MBD5: variants seen among roughly 807,000 people sequenced by gnomAD.
The protein encoded by MBD5 is methyl-CpG-binding domain protein 5.
In MBD5, 13 loss-of-function variants were observed where a neutral mutation model predicts 117.3. That is an observed-to-expected ratio of 0.11 (90% CI 0.07 to 0.18). MBD5 has a LOEUF of 0.18. Ranked by LOEUF, MBD5 falls within the 10% of genes least tolerant of loss-of-function variation. The pLI is 1.00. For synonymous variants in MBD5, 727 were observed against 766.4 expected (o/e 0.95, Z 0.85); for missense variants, 1,879 against 2,093.8 (o/e 0.90, Z 2.00).
At chr2:148,196,929 G>A (rs1042622083) in intron 2 of MBD5, among the ~76,000 whole-genome samples, 2 of 152,042 alleles carry the variant, frequency 1.3e-5, no homozygotes, top group Non-Finnish European at 2.9e-5. Flanking sequence ...ATCCACATGT[G>A]CCAAAATTGG....
intron 1 of MBD5, among the ~76,000 whole-genome samples, chr2:148,058,684 A>G (rs1694942135): frequency 6.6e-6 from 1 of 152,080 alleles, no homozygotes; most frequent in African/African-American, 2.4e-5. Context: ...TTTTTCCATT[A>G]TTGCTAACTA....
intron 1 of MBD5, among the ~76,000 whole-genome samples, chr2:148,153,024 C>A (rs1021513018): frequency 2.6e-5 from 4 of 151,850 alleles, no homozygotes; most frequent in Admixed American, 2.6e-4. Flanking sequence ...GATGCAGTTT[C>A]TTCCTAGTCT....
intron 4 of MBD5, among the ~76,000 whole-genome samples, chr2:148,439,445 G>C (rs1448385815): frequency 1.3e-5 from 2 of 152,042 alleles, no homozygotes; most frequent in African/African-American, 2.4e-5. Flanking sequence ...TTTAAGTTTT[G>C]GGTGGTTCTG....
intron 2 of MBD5, among the ~76,000 whole-genome samples, chr2:148,199,897 GA>G (rs1699094970): frequency 6.6e-6 from 1 of 152,110 alleles, no homozygotes; most frequent in Non-Finnish European, 1.5e-5. Flanking sequence ...GTATGACTAA[GA>G]AATAAAGTGA....
chr2:148,419,444 A>G (rs563607980), intron 4 of MBD5, among the ~76,000 whole-genome samples: 3 of 152,270 alleles, frequency 2.0e-5, no homozygotes, highest in African/African-American at 7.2e-5. Flanking sequence ...AGTCATCTGG[A>G]ATGCATTTCT....
At chr2:148,145,929 G>T (rs996505593) in intron 1 of MBD5, among the ~76,000 whole-genome samples, 1 of 152,146 alleles carries the variant, frequency 6.6e-6, no homozygotes, top group Non-Finnish European at 1.5e-5. Flanking sequence ...CTGTGTCTCT[G>T]CCAGGCTTTG....
At chr2:148,460,777 T>C (rs1707044325) in intron 5 of MBD5, among the ~76,000 whole-genome samples, 1 of 152,210 alleles carries the variant, frequency 6.6e-6, no homozygotes, top group South Asian at 2.1e-4. Context: ...TGGAGTACTT[T>C]AATAGAATTA....
chr2:148,034,542 A>G (rs1694133875), intron 1 of MBD5, among the ~76,000 whole-genome samples: 1 of 152,204 alleles, frequency 6.6e-6, no homozygotes, highest in African/African-American at 2.4e-5. Context: ...CTGAACTTCT[A>G]ATAATGGTCA....
At chr2:148,283,861 C>T (rs749425834) in intron 3 of MBD5, among the ~76,000 whole-genome samples, 1 of 152,196 alleles carries the variant, frequency 6.6e-6, no homozygotes, top group Non-Finnish European at 1.5e-5. Context: ...TCTTTCTTAA[C>T]TATCTTCCTA....
At chr2:148,430,239 T>C (rs1438924108) in intron 4 of MBD5, among the ~76,000 whole-genome samples, 2 of 152,128 alleles carry the variant, frequency 1.3e-5, no homozygotes, top group Non-Finnish European at 2.9e-5. Context: ...TCTTCATTTA[T>C]TGCATTTTCT....
intron 3 of MBD5, among the ~76,000 whole-genome samples, chr2:148,252,724 A>G (rs1216087758): frequency 6.6e-6 from 1 of 151,896 alleles, no homozygotes; most frequent in Non-Finnish European, 1.5e-5. Context: ...TAATTTTTGT[A>G]TTTTTTGTAG....
chr2:148,119,558 A>G (rs996339471), intron 1 of MBD5, among the ~76,000 whole-genome samples: 2 of 152,178 alleles, frequency 1.3e-5, no homozygotes, highest in Non-Finnish European at 2.9e-5. Flanking sequence ...TTTTGGTGAC[A>G]TACCTAAAGA....
intron 4 of MBD5, among the ~76,000 whole-genome samples, chr2:148,370,431 T>C (rs576515117): frequency 6.6e-6 from 1 of 152,316 alleles, no homozygotes; most frequent in East Asian, 1.9e-4. Context: ...CAATGAGAGT[T>C]AGTAAATTCA....
intron 4 of MBD5, among the ~76,000 whole-genome samples, chr2:148,426,713 G>A (rs1003969930): frequency 4.6e-5 from 7 of 151,980 alleles, no homozygotes; most frequent in East Asian, 1.9e-4. Flanking sequence ...AAGAAAACTC[G>A]GCAATACCAT....
intron 1 of MBD5, among the ~76,000 whole-genome samples, chr2:148,087,892 T>C (rs1423834744): frequency 6.6e-6 from 1 of 152,118 alleles, no homozygotes. Context: ...AGATGAAGAA[T>C]TCAGAAGGTT....
chr2:148,414,072 G>A (rs1259972968), intron 4 of MBD5, among the ~76,000 whole-genome samples: 1 of 151,902 alleles, frequency 6.6e-6, no homozygotes, highest in African/African-American at 2.4e-5. Context: ...TTGTTAATTT[G>A]AGATCTTCCT....
chr2:148,406,032 T>A (rs958561007), intron 4 of MBD5, among the ~76,000 whole-genome samples: 34 of 152,118 alleles, frequency 2.2e-4, no homozygotes, highest in Middle Eastern at 6.8e-3. Context: ...AAATAATTAA[T>A]TAATTAATAA....
At chr2:148,243,725 A>G (rs1700271095) in intron 3 of MBD5, 1 of 152,088 alleles carries the variant, frequency 6.6e-6, no homozygotes. Context: ...GTATATTGAA[A>G]ACTTGTTATG....
chr2:148,072,321 C>G (rs1427910672), intron 1 of MBD5, among the ~76,000 whole-genome samples: 1 of 152,156 alleles, frequency 6.6e-6, no homozygotes, highest in Non-Finnish European at 1.5e-5. Context: ...ATTATAACAT[C>G]TGACACAATG....
Sources: gnomAD v4.1 joint callset for allele counts (sites outside exome capture counted in the v4.1 genomes callset) on GRCh38, gnomAD v4.1.1 for gene constraint, MANE v1.5 for transcripts, NCBI Gene and HGNC (gene_info 2026-07-23, HGNC 2026-07-21) for gene names.